Variants in ACTR3C observed in about 807,000 individuals in gnomAD.
ACTR3C encodes the protein actin-related protein 3C.
Under a neutral mutation model 26.3 loss-of-function variants are expected in ACTR3C, and 18 were observed. The observed-to-expected ratio is 0.68, with a 90% CI of 0.47 to 1.01. The LOEUF is 1.01. Ranked by LOEUF, ACTR3C falls within the 50% of genes least tolerant of loss-of-function variation. The pLI is 0.00. For missense variants in ACTR3C, 184 were observed against 250.7 expected (o/e 0.73, Z 1.80); for synonymous variants, 55 against 94.5 (o/e 0.58, Z 2.42).
chr7:150,110,760 T>G, the ACTR3C span, among the ~76,000 whole-genome samples: 1 of 118,152 alleles, frequency 8.5e-6, no homozygotes, highest in African/African-American at 3.4e-5. Context: ...GGGCGGGGCT[T>G]GCTGGGGGAC....
chr7:149,943,080 G>A, the ACTR3C span, among the ~76,000 whole-genome samples: 16 of 152,046 alleles, frequency 1.1e-4, no homozygotes, highest in Non-Finnish European at 1.8e-4. Context: ...ACACAATGGC[G>A]GGAGTCAGCA....
the ACTR3C span, chr7:150,041,433 T>A: frequency 6.5e-6 from 1 of 154,616 alleles, no homozygotes; most frequent in Non-Finnish European, 1.4e-5. Context: ...AACGTTCTAC[T>A]TGGACACCTA....
chr7:150,182,493 G>T, the ACTR3C span, among the ~76,000 whole-genome samples: 1 of 150,562 alleles, frequency 6.6e-6, no homozygotes, highest in South Asian at 2.1e-4. Flanking sequence ...TCTGTTGCCC[G>T]TAAAATTCAG....
chr7:149,921,214 C>T, the ACTR3C span, among the ~76,000 whole-genome samples: 2 of 152,108 alleles, frequency 1.3e-5, no homozygotes, highest in Non-Finnish European at 2.9e-5. Flanking sequence ...ATCTGTTCCA[C>T]ACACTCTGTT....
Position 150,281,147 on chromosome 7 carries a change from C to T in ACTR3C, c.564+3606G>A, listed in dbSNP as rs532547066. ...ACTCCTGGAGAGAGGGCGTCTTACC[C>T]GGCAAGAGTGACCCAGCAGGTTGGA... is the stretch of plus-strand genomic sequence containing the variant. On this transcript the variant is annotated intron_variant, in intron 6 of 7. Transcript: ENST00000683684. Among the ~76,000 whole-genome samples the T allele has an allele frequency of 3.3e-5, 5 of 152,178 alleles. No homozygotes were observed. The East Asian group carries it at 5.8e-4, about 18-fold the overall frequency.
chr7:149,918,032 G>A, the ACTR3C span, among the ~76,000 whole-genome samples: 1 of 152,128 alleles, frequency 6.6e-6, no homozygotes, highest in African/African-American at 2.4e-5. Context: ...TTTTTTTAAT[G>A]TTCCTTGGCT....
the ACTR3C span, among the ~76,000 whole-genome samples, chr7:150,197,982 G>A: frequency 1.2e-4 from 18 of 151,046 alleles, 1 homozygote; most frequent in African/African-American, 4.2e-4. Context: ...AGCCTGCCGA[G>A]TGCCTGTGAT....
At chr7:150,267,641 C>T (rs889710273) in intron 6 of ACTR3C, among the ~76,000 whole-genome samples, 27 of 152,230 alleles carry the variant, frequency 1.8e-4, no homozygotes, top group African/African-American at 5.8e-4. Context: ...TCTTACTGTG[C>T]CTAATTTATA....
intron 1 of ACTR3C, among the ~76,000 whole-genome samples, chr7:150,313,728 T>C (rs775911992): frequency 3.3e-5 from 5 of 152,128 alleles, no homozygotes; most frequent in Admixed American, 6.5e-5. Context: ...ATTTTTGGTT[T>C]ACATTAGCTA....
intron 3 of ACTR3C, among the ~76,000 whole-genome samples, chr7:150,289,874 A>G (rs1340848900): frequency 6.6e-6 from 1 of 152,250 alleles, no homozygotes; most frequent in Non-Finnish European, 1.5e-5. Context: ...GAAAAACCAC[A>G]TAAGATAGTT....
chr7:150,210,150 ACAAATTTAAACTG>A, the ACTR3C span, among the ~76,000 whole-genome samples: 1 of 151,824 alleles, frequency 6.6e-6, no homozygotes, highest in African/African-American at 2.4e-5. Context: ...ATTGCAAAAT[ACAAATTTAAACTG>A]CACCAATATG....
the ACTR3C span, among the ~76,000 whole-genome samples, chr7:150,134,614 A>G: frequency 6.6e-6 from 1 of 152,280 alleles, no homozygotes; most frequent in African/African-American, 2.4e-5. Context: ...TCAGCTCACA[A>G]TGTGAAAGAT....
At chr7:150,048,479 G>C in the ACTR3C span, among the ~76,000 whole-genome samples, 12 of 152,230 alleles carry the variant, frequency 7.9e-5, 1 homozygote, top group Admixed American at 3.3e-4. Flanking sequence ...CGGGTCGTGG[G>C]TGCGGGGGCG....
the ACTR3C span, among the ~76,000 whole-genome samples, chr7:149,886,530 A>G: frequency 6.6e-6 from 1 of 152,374 alleles, no homozygotes; most frequent in East Asian, 1.9e-4. Flanking sequence ...CACTCCAGAT[A>G]CTAAAAAGTC....
the ACTR3C span, among the ~76,000 whole-genome samples, chr7:150,193,915 C>T: frequency 1.3e-4 from 20 of 150,638 alleles, no homozygotes; most frequent in African/African-American, 4.9e-4. Flanking sequence ...TAACAGTAGT[C>T]TTTCCAAATT....
At chr7:150,080,539 G>A in the ACTR3C span, among the ~76,000 whole-genome samples, 83 of 151,800 alleles carry the variant, frequency 5.5e-4, no homozygotes, top group African/African-American at 1.3e-3. Context: ...GTGTGTGTGT[G>A]TGTGTGTGTG....
intron 1 of ACTR3C, among the ~76,000 whole-genome samples, chr7:150,305,246 G>A (rs1460501054): frequency 6.6e-6 from 1 of 152,150 alleles, no homozygotes; most frequent in African/African-American, 2.4e-5. Context: ...ATTTTCATGG[G>A]TGGTTTTGAC....
At chr7:149,949,284 G>A in the ACTR3C span, among the ~76,000 whole-genome samples, 2 of 146,650 alleles carry the variant, frequency 1.4e-5, no homozygotes, top group African/African-American at 5.5e-5. Context: ...GCTGAGGCAG[G>A]AGAATCACTT....
chr7:149,928,768 G>A, the ACTR3C span, among the ~76,000 whole-genome samples: 1 of 151,426 alleles, frequency 6.6e-6, no homozygotes, highest in African/African-American at 2.4e-5. Context: ...GCTTGAACCC[G>A]GGAGGCAGAG....
Sources: allele counts gnomAD v4.1 joint callset (sites outside exome capture counted in the v4.1 genomes callset), GRCh38; gene constraint gnomAD v4.1.1; transcripts MANE v1.5; gene names NCBI Gene and HGNC (gene_info 2026-07-23, HGNC 2026-07-21).